Variants in WWC2 observed in about 807,000 individuals in gnomAD.
The protein encoded by WWC2 is protein WWC2.
In WWC2, 101 loss-of-function variants were observed where a neutral mutation model predicts 138.5. The ratio of observed to expected loss-of-function variants is 0.73; its 90% CI spans 0.62 to 0.86. The LOEUF is 0.86. Among genes scored for constraint, WWC2 ranks in the 40% least tolerant of loss-of-function variants. WWC2 has a pLI of 0.00. For missense variants in WWC2, 1,420 were observed against 1,419.4 expected (o/e 1.00, Z -0.01); for synonymous variants, 558 against 538.4 (o/e 1.04, Z -0.50).
At chr4:183,138,040 T>G (rs535241413) in intron 1 of WWC2, among the ~76,000 whole-genome samples, 14 of 152,312 alleles carry the variant, frequency 9.2e-5, no homozygotes, top group African/African-American at 3.4e-4. Context: ...TTATATTTAC[T>G]TTTTCTAGGT....
In WWC2 at chr4:183,284,331, A is replaced by G; in HGVS notation, c.2989A>G (p.Ser997Gly). ...TAGACAGCATCCGTTTGTGAGGAGC[A>G]GTGTGATAGTGCGCTCACAGACCTT... is the stretch of plus-strand genomic sequence containing the variant. ...SSRQHPFVRS[S>G]VIVRSQTFSP... Residue 997 changes from serine (S) to glycine (G), a missense_variant, in exon 19 of 23, where the codon AGT becomes GGT. Transcript: ENST00000403733. 2 of 1,613,986 alleles carry G rather than the reference A, an allele frequency of 1.2e-6. No individual in the cohort carries two copies. The highest frequency in any genetic ancestry group is 1.7e-6 in the Non-Finnish European group (2 of 1,179,884).
At chr4:183,208,370 C>T (rs1205422009) in intron 3 of WWC2, among the ~76,000 whole-genome samples, 1 of 152,188 alleles carries the variant, frequency 6.6e-6, no homozygotes, top group Admixed American at 6.5e-5. Flanking sequence ...TGCATGCCTT[C>T]TGTTTCTGCA....
At chr4:183,233,771 T>C (rs765149957) in intron 4 of WWC2, 1 of 152,208 alleles carries the variant, frequency 6.6e-6, no homozygotes, top group Non-Finnish European at 1.5e-5. Flanking sequence ...ACTATCTATC[T>C]GGAGTTGACT....
intron 21 of WWC2, among the ~76,000 whole-genome samples, chr4:183,300,142 G>A (rs1738781183): frequency 6.6e-6 from 1 of 152,008 alleles, no homozygotes; most frequent in Admixed American, 6.6e-5. Context: ...ATAAATCACT[G>A]GGCCTCTCTG....
intron 16 of WWC2, among the ~76,000 whole-genome samples, chr4:183,277,561 C>T (rs1438378886): frequency 2.0e-5 from 3 of 148,896 alleles, no homozygotes; most frequent in Non-Finnish European, 4.5e-5. Flanking sequence ...ACCACACTGA[C>T]TTCCACAATG....
At chr4:183,283,001 T>C (rs1580146056) in intron 18 of WWC2, 95 bp downstream of exon 18, 2 of 1,311,118 alleles carry the variant, frequency 1.5e-6, no homozygotes, top group Non-Finnish European at 1.0e-6. Flanking sequence ...GTAAATTCCA[T>C]GTCAGGATTT....
intron 1 of WWC2, among the ~76,000 whole-genome samples, chr4:183,104,400 A>G (rs753695544): frequency 4.6e-5 from 7 of 152,246 alleles, no homozygotes; most frequent in East Asian, 1.9e-4. Context: ...ATAAACCCAT[A>G]GCCACCAACA....
intron 1 of WWC2, among the ~76,000 whole-genome samples, chr4:183,118,881 G>T (rs543967435): frequency 2.0e-5 from 3 of 152,072 alleles, no homozygotes; most frequent in African/African-American, 7.2e-5. Context: ...GTAGTGGTTT[G>T]CATAGAAGGG....
Position 183,319,831 on chromosome 4 carries a change from C to G in WWC2, c.*4102C>G. The G allele has an allele frequency of 6.2e-7, 1 of 1,613,988 alleles. No homozygotes were observed. The highest frequency in any genetic ancestry group is 8.5e-7 in the Non-Finnish European group (1 of 1,179,876). On this transcript the variant is annotated 3_prime_UTR_variant, in exon 23 of 23. Transcript: ENST00000403733. Reference sequence around the variant, plus strand: ...GAGACGGGAACCAGGGCTGTGACTCCCGAGGCCCAGGACAGAATTCCTCCC... The same window carrying G: ...GAGACGGGAACCAGGGCTGTGACTCGCGAGGCCCAGGACAGAATTCCTCCC...
At chr4:183,255,438 CT>C (rs765262077) in intron 9 of WWC2, among the ~76,000 whole-genome samples, 12 of 152,308 alleles carry the variant, frequency 7.9e-5, no homozygotes, top group South Asian at 2.1e-4. Flanking sequence ...AAGTTTCTAG[CT>C]ACGGATAGTC....
intron 1 of WWC2, among the ~76,000 whole-genome samples, chr4:183,165,234 C>T (rs1734100081): frequency 1.3e-5 from 2 of 152,076 alleles, no homozygotes; most frequent in South Asian, 4.1e-4. Context: ...GTGTCAGGGA[C>T]ACATTCATGT....
At position 183,099,640 on chromosome 4, in the gene WWC2, G is replaced by A. The variant is rs1254612398; in HGVS notation, c.131+18G>A. ...CGGGACAGGTGGGCGCCGGCCGCGG[G>A]GGCGCGGGCCCGTTCGGACACGGCG... On this transcript the variant is annotated intron_variant, in intron 1 of 22. Coordinates refer to ENST00000403733, the MANE Select transcript of WWC2 (RefSeq NM_024949.6). The A allele has an allele frequency of 7.6e-7, 1 of 1,318,450 alleles. No homozygotes were observed. Among genetic ancestry groups the A allele is most frequent in the South Asian group, 2.0e-5 (1 of 51,134 alleles). 81.7% of individuals were successfully genotyped at this position (1,318,450 alleles called of 1,614,324 possible). A position where few individuals can be genotyped will look rare whatever the true frequency, so the allele number is the denominator to read the frequency against.
chr4:183,311,842 G>A (rs1036607714), intron 21 of WWC2, among the ~76,000 whole-genome samples: 1 of 152,078 alleles, frequency 6.6e-6, no homozygotes, highest in African/African-American at 2.4e-5. Context: ...CTCCCAAAGT[G>A]CTGGGATTAC....
chr4:183,213,911 A>C (rs890283143), intron 4 of WWC2, among the ~76,000 whole-genome samples: 2 of 151,976 alleles, frequency 1.3e-5, no homozygotes, highest in Non-Finnish European at 1.5e-5. Context: ...TTAAACTTTA[A>C]ATTCAATTGC....
chr4:183,145,212 G>GT (rs1733419456), intron 1 of WWC2, among the ~76,000 whole-genome samples: 1 of 152,156 alleles, frequency 6.6e-6, no homozygotes, highest in African/African-American at 2.4e-5. Flanking sequence ...TGTTAAAGAG[G>GT]TTAAATGTGT....
chr4:183,289,321 G>C, intron 20 of WWC2, 72 bp from the exon 21 acceptor site: 1 of 1,541,694 alleles, frequency 6.5e-7, no homozygotes, highest in Non-Finnish European at 8.8e-7. Flanking sequence ...TCATGCGCCA[G>C]GAAGGAGGGG....
At chr4:183,116,511 C>T (rs912792795) in intron 1 of WWC2, among the ~76,000 whole-genome samples, 9 of 152,222 alleles carry the variant, frequency 5.9e-5, no homozygotes, top group African/African-American at 2.2e-4. Context: ...GGTGGCAGAA[C>T]TCAAGCGTGT....
chr4:183,160,308 A>G lies in WWC2; in HGVS notation c.132-33291A>G, dbSNP rs190577864. Among the ~76,000 whole-genome samples the G allele has an allele frequency of 1.7e-4, 26 of 152,376 alleles. No individual in the cohort carries two copies. In the East Asian group the frequency reaches 4.6e-3, roughly 27 times the overall value. Reference sequence around the variant, plus strand: ...CACGTAACATTTTGTAAGAATGAATAGTTGAAAGACGAATTAGCCAACAAA... The same window carrying G: ...CACGTAACATTTTGTAAGAATGAATGGTTGAAAGACGAATTAGCCAACAAA... On this transcript the variant is annotated intron_variant, in intron 1 of 22. Coordinates refer to ENST00000403733, the MANE Select transcript of WWC2 (RefSeq NM_024949.6).
At chr4:183,220,691 G>A (rs1370687328) in intron 4 of WWC2, among the ~76,000 whole-genome samples, 1 of 152,008 alleles carries the variant, frequency 6.6e-6, no homozygotes, top group Non-Finnish European at 1.5e-5. Context: ...AAAAGTAGCC[G>A]GGCGTGGTGG....
Sources: allele counts gnomAD v4.1 joint callset (sites outside exome capture counted in the v4.1 genomes callset), GRCh38; gene constraint gnomAD v4.1.1; transcripts MANE v1.5; gene names NCBI Gene and HGNC (gene_info 2026-07-23, HGNC 2026-07-21).